The following CSNK2A2IP variants were observed in gnomAD, a reference collection of about 807,000 sequenced individuals.
CSNK2A2IP encodes casein kinase 2 subunit alpha' interacting protein.
At chr3:88,421,957 T>C in the CSNK2A2IP span, among the ~76,000 whole-genome samples, 1 of 152,180 alleles carries the variant, frequency 6.6e-6, no homozygotes, top group Non-Finnish European at 1.5e-5. Flanking sequence ...ATTTTGAATA[T>C]AAATTTAATA....
the CSNK2A2IP span, among the ~76,000 whole-genome samples, chr3:88,454,685 G>T: frequency 6.6e-6 from 1 of 151,620 alleles, no homozygotes; most frequent in Admixed American, 6.6e-5. Flanking sequence ...TATGTATTTA[G>T]GGTTTACAAT....
chr3:88,406,828 G>A, the CSNK2A2IP span, among the ~76,000 whole-genome samples: 15 of 152,164 alleles, frequency 9.9e-5, no homozygotes, highest in African/African-American at 3.4e-4. Context: ...CCATTCTTGC[G>A]GCAGACCGAT....
the CSNK2A2IP span, among the ~76,000 whole-genome samples, chr3:88,388,893 G>A: frequency 6.6e-6 from 1 of 151,924 alleles, no homozygotes; most frequent in East Asian, 1.9e-4. Context: ...CCAAATAATA[G>A]CACCAATTGA....
At chr3:88,418,833 G>C in the CSNK2A2IP span, among the ~76,000 whole-genome samples, 1 of 152,124 alleles carries the variant, frequency 6.6e-6, no homozygotes, top group African/African-American at 2.4e-5. Context: ...TGGCCTGTTA[G>C]GAGCTGGGCC....
the CSNK2A2IP span, among the ~76,000 whole-genome samples, chr3:88,450,402 G>T: frequency 1.3e-5 from 2 of 151,992 alleles, no homozygotes; most frequent in South Asian, 2.1e-4. Context: ...TAGATTTGTA[G>T]ACTTGCTAAT....
the CSNK2A2IP span, among the ~76,000 whole-genome samples, chr3:88,418,474 G>A: frequency 2.0e-5 from 3 of 152,000 alleles, no homozygotes; most frequent in African/African-American, 2.4e-5. Context: ...GCGCGCGGGC[G>A]TGTGTTCTCT....
chr3:88,424,772 C>T, the CSNK2A2IP span, among the ~76,000 whole-genome samples: 1 of 150,786 alleles, frequency 6.6e-6, no homozygotes, highest in Non-Finnish European at 1.5e-5. Context: ...CCAGTTATGC[C>T]TTTATAAATT....
chr3:88,452,274 G>A, the CSNK2A2IP span, among the ~76,000 whole-genome samples: 1 of 151,718 alleles, frequency 6.6e-6, no homozygotes, highest in Non-Finnish European at 1.5e-5. Context: ...CTATTTTAAA[G>A]TTATTTCTGA....
chr3:88,346,963 A>G, the CSNK2A2IP span, among the ~76,000 whole-genome samples: 13 of 152,036 alleles, frequency 8.6e-5, no homozygotes, highest in Admixed American at 5.3e-4. Context: ...AACATTCATG[A>G]TTTATGGAAA....
At chr3:88,356,657 T>A in the CSNK2A2IP span, among the ~76,000 whole-genome samples, 1 of 152,174 alleles carries the variant, frequency 6.6e-6, no homozygotes, top group East Asian at 1.9e-4. Flanking sequence ...TTTTACTTTT[T>A]TGAGGAGCCT....
At chr3:88,361,812 T>C in the CSNK2A2IP span, among the ~76,000 whole-genome samples, 1 of 152,026 alleles carries the variant, frequency 6.6e-6, no homozygotes, top group African/African-American at 2.4e-5. Context: ...TTTTCTCCTC[T>C]GTGTATTTTC....
chr3:88,416,883 T>C, the CSNK2A2IP span, among the ~76,000 whole-genome samples: 2 of 152,086 alleles, frequency 1.3e-5, no homozygotes, highest in Non-Finnish European at 2.9e-5. Flanking sequence ...TAATTGCACG[T>C]GCTAACAATT....
the CSNK2A2IP span, among the ~76,000 whole-genome samples, chr3:88,408,387 T>C: frequency 6.6e-6 from 1 of 152,088 alleles, no homozygotes; most frequent in African/African-American, 2.4e-5. Context: ...AGCTGTTTTG[T>C]TGATAGACTT....
chr3:88,424,524 G>A, the CSNK2A2IP span, among the ~76,000 whole-genome samples: 1 of 152,122 alleles, frequency 6.6e-6, no homozygotes, highest in South Asian at 2.1e-4. Context: ...AGTGATAAAT[G>A]CTTTAAAAAC....
the CSNK2A2IP span, among the ~76,000 whole-genome samples, chr3:88,449,930 T>C: frequency 3.0e-3 from 433 of 144,140 alleles, 4 homozygotes; most frequent in African/African-American, 0.01. Context: ...TGCAGTGGTA[T>C]GATCTCAGCT....
the CSNK2A2IP span, among the ~76,000 whole-genome samples, chr3:88,361,724 A>T: frequency 1.2e-4 from 18 of 151,934 alleles, no homozygotes; most frequent in African/African-American, 4.4e-4. Flanking sequence ...CTGATCTTTT[A>T]CTTTACCTCC....
At chr3:88,408,840 T>G in the CSNK2A2IP span, among the ~76,000 whole-genome samples, 1 of 151,052 alleles carries the variant, frequency 6.6e-6, no homozygotes, top group Non-Finnish European at 1.5e-5. Context: ...GTTTTAATGT[T>G]TTTTTTTTGG....
At chr3:88,466,247 A>G in the CSNK2A2IP span, 1 of 1,231,734 alleles carries the variant, frequency 8.1e-7, no homozygotes, top group Non-Finnish European at 1.0e-6. Flanking sequence ...CCAGTGTCCC[A>G]TTCAAAAGCA....
the CSNK2A2IP span, among the ~76,000 whole-genome samples, chr3:88,451,574 A>T: frequency 6.6e-6 from 1 of 151,888 alleles, no homozygotes; most frequent in Non-Finnish European, 1.5e-5. Context: ...GTTCCTTAAA[A>T]ATGTTCCCTA....
Sources: allele counts gnomAD v4.1 joint callset (sites outside exome capture counted in the v4.1 genomes callset), GRCh38; gene constraint gnomAD v4.1.1; transcripts MANE v1.5; gene names NCBI Gene and HGNC (gene_info 2026-07-23, HGNC 2026-07-21).